Variants in MRE11 observed in about 807,000 individuals in gnomAD.
MRE11 encodes double-strand break repair protein MRE11.
A neutral mutation model predicts 91.7 loss-of-function variants in MRE11; 62 were observed. The ratio of observed to expected loss-of-function variants is 0.68; its 90% confidence interval spans 0.55 to 0.84. The LOEUF (loss-of-function observed/expected upper bound fraction) is 0.84, where lower values mean the gene tolerates loss of function less well. MRE11 is among the 40% of genes least tolerant of loss of function. The probability of loss-of-function intolerance (pLI) is 0.00; values close to 1 mark genes in which losing one functional copy is unlikely to be tolerated. For synonymous variants in MRE11, 273 were observed against 271.4 expected (o/e 1.01, Z -0.06); for missense variants, 796 against 852.9 (o/e 0.93, Z 0.83).
intron 18 of MRE11, 102 bp downstream of exon 18, chr11:94,435,730 T>C (rs1268046193): frequency 1.1e-6 from 1 of 950,286 alleles, no homozygotes; most frequent in African/African-American, 1.6e-5. Context: ...TGAAAATAAG[T>C]CTGTTAAACT....
At chr11:94,471,366 C>A (rs1241147033) in intron 8 of MRE11, among the ~76,000 whole-genome samples, 1 of 151,802 alleles carries the variant, frequency 6.6e-6, no homozygotes, top group African/African-American at 2.4e-5. Flanking sequence ...AAAATAACAC[C>A]AATTGGATGC....
At chr11:94,457,258 C>T (rs1946277016) in intron 13 of MRE11, among the ~76,000 whole-genome samples, 1 of 152,174 alleles carries the variant, frequency 6.6e-6, no homozygotes, top group South Asian at 2.1e-4. Flanking sequence ...TTAGCAATGG[C>T]AGTCACTGGT....
chr11:94,427,304 T>C (rs752392494), intron 19 of MRE11, among the ~76,000 whole-genome samples: 6 of 152,018 alleles, frequency 3.9e-5, no homozygotes, highest in Non-Finnish European at 7.4e-5. Flanking sequence ...ATATGATCAC[T>C]TCAACAGACA....
rs1240937125 is a variant in MRE11, at chr11:94,416,468, A to G, written c.*3657T>C. 3.3e-5 allele frequency: 5 copies of G among 152,274 alleles called. No individual in the cohort carries two copies. The highest frequency in any genetic ancestry group is 3.3e-4 in the Admixed American group (5 of 15,280). 9.4% of individuals were successfully genotyped at this position (152,274 alleles called of 1,614,324 possible). A position where few individuals can be genotyped will look rare whatever the true frequency, so the allele number is the denominator to read the frequency against. On this transcript the variant is annotated 3_prime_UTR_variant, in exon 20 of 20. Transcript: ENST00000323929. ...AAATGTGGATCTTTTTCATTCAAGA[A>G]TATGGAAACTCATTGGACTGAAAAA...
the MRE11 span, among the ~76,000 whole-genome samples, chr11:94,503,691 G>A: frequency 6.8e-5 from 10 of 146,048 alleles, no homozygotes; most frequent in African/African-American, 2.1e-4. Flanking sequence ...GTGAGACTCC[G>A]TGTCAAAAAA....
chr11:94,474,859 T>C (rs1266144050), intron 7 of MRE11, among the ~76,000 whole-genome samples: 1 of 152,144 alleles, frequency 6.6e-6, no homozygotes, highest in African/African-American at 2.4e-5. Context: ...TTTCAACTCA[T>C]CATCCCTACT....
chr11:94,441,621 A>G (rs1369107993), intron 16 of MRE11, among the ~76,000 whole-genome samples: 1 of 152,230 alleles, frequency 6.6e-6, no homozygotes, highest in Non-Finnish European at 1.5e-5. Context: ...AAATTAAAAC[A>G]GGCCTAAAAA....
chr11:94,498,053 T>C (rs766198771), upstream of MRE11: 3 of 1,536,966 alleles, frequency 2.0e-6, no homozygotes, highest in Non-Finnish European at 2.6e-6. Flanking sequence ...TTGAAAGATT[T>C]CTTTTTTTTC....
intron 16 of MRE11, among the ~76,000 whole-genome samples, chr11:94,444,395 GTTTTCGTTCTGTTTTC>G (rs1945870504): frequency 2.4e-5 from 1 of 41,698 alleles, no homozygotes. Context: ...TTTTTGTTCT[GTTTTCGTTCTGTTTTC>G]TTTTGTTTTA....
In MRE11 at chr11:94,467,803, T is replaced by C. The variant is rs1946604458; in HGVS notation, c.1098+10A>G. ...ATTAATAATATTCAATCTATATAAATAGGACTTACTCGCAGTCGTACAAGA... is the reference window on the plus strand; with the variant it reads ...ATTAATAATATTCAATCTATATAAACAGGACTTACTCGCAGTCGTACAAGA... On this transcript the variant is annotated intron_variant, in intron 10 of 19. Transcript: ENST00000323929. 6.3e-7 allele frequency: 1 copy of C among 1,593,686 alleles called. No homozygotes were observed. Among genetic ancestry groups the C allele is most frequent in the Non-Finnish European group, 8.6e-7 (1 of 1,161,968 alleles).
At position 94,479,674 on chromosome 11, in the gene MRE11, C is replaced by A. The variant is rs587782669; in HGVS notation, c.402G>T (p.Gly134=). The A allele has an allele frequency of 1.2e-6, 2 of 1,610,436 alleles. No homozygotes were observed. The highest frequency in any genetic ancestry group is 1.7e-5 in the Admixed American group (1 of 59,972). ...CAAACTCTAAGAAAACAATAATTAC[C>A]CCTGTGGGATCGTCATGATTGCCAT... ...SIHGNHDDPT[G]ADALCALDIL... The change falls in exon 5 of 20, where the codon GGG becomes GGT. Residue 134 remains glycine, a splice_region_variant and synonymous_variant. Coordinates refer to ENST00000323929, the MANE Select transcript of MRE11 (RefSeq NM_005591.4).
chr11:94,499,481 C>A, the MRE11 span: 2 of 151,614 alleles, frequency 1.3e-5, no homozygotes, highest in African/African-American at 4.8e-5. Context: ...GCTAAAACCA[C>A]AAAGTGGCTC....
At chr11:94,475,082 T>G (rs1394556303) in intron 7 of MRE11, 1 of 152,388 alleles carries the variant, frequency 6.6e-6, no homozygotes, top group Non-Finnish European at 1.5e-5. Flanking sequence ...AACCTAAGTC[T>G]GCATTCACTG....
At position 94,446,949 on chromosome 11, in the gene MRE11, G is replaced by C. The variant is rs12222920; in HGVS notation, c.1783+270C>G. On this transcript the variant is annotated intron_variant, in intron 15 of 19. Transcript: ENST00000323929. ...ATATGACATTAAATGTATCCAAAAG[G>C]TACTACGTGACAAACACAGTGAAGC... Among the ~76,000 whole-genome samples the C allele has an allele frequency of 0.12, 17,883 of 152,060 alleles. 1,157 individuals are homozygous for C. Among genetic ancestry groups the C allele is most frequent in the South Asian group, 0.18 (888 of 4,822 alleles).
chr11:94,464,382 GA>G lies in MRE11; in HGVS notation c.1099-144del. 2.7e-6 allele frequency: 3 copies of G among 1,125,176 alleles called. No homozygotes were observed. In the East Asian group the frequency reaches 7.5e-5, roughly 28 times the overall value. 69.7% of individuals were successfully genotyped at this position (1,125,176 alleles called of 1,614,324 possible). On this transcript the variant is annotated intron_variant, in intron 10 of 19. Coordinates refer to ENST00000323929, the MANE Select transcript of MRE11 (RefSeq NM_005591.4). ...TAATTTTCTACAGTAGATCATGATG[GA>G]GCTATATCATTTATCCTACTGAGAA... is the stretch of plus-strand genomic sequence containing the variant.
intron 3 of MRE11, among the ~76,000 whole-genome samples, chr11:94,489,531 T>C (rs974904172): frequency 2.6e-5 from 4 of 152,146 alleles, no homozygotes; most frequent in Non-Finnish European, 4.4e-5. Context: ...CAGAAAAGAA[T>C]AGAAGCAGAA....
chr11:94,454,318 C>T (rs1279136420), intron 14 of MRE11, among the ~76,000 whole-genome samples: 1 of 152,108 alleles, frequency 6.6e-6, no homozygotes, highest in Non-Finnish European at 1.5e-5. Flanking sequence ...AAGAGATCCA[C>T]CTGCCTCGGC....
chr11:94,476,438 T>C, intron 6 of MRE11, 35 bp from the exon 7 acceptor site: 1 of 1,408,202 alleles, frequency 7.1e-7, no homozygotes, highest in Non-Finnish European at 1.0e-6. Flanking sequence ...TAAATTGTTT[T>C]CTTACTTCGG....
rs2135122903 is a variant in MRE11 at position 94,486,039 on chromosome 11, G to A, written c.199C>T (p.Pro67Ser). 1 of 1,613,580 alleles carries A rather than the reference G, an allele frequency of 6.2e-7. No individual in the cohort carries two copies. The highest frequency in any genetic ancestry group is 8.5e-7 in the Non-Finnish European group (1 of 1,179,840). Residue 67 changes from proline (P) to serine (S), a missense_variant, in exon 4 of 20, where the codon CCC (proline) becomes TCC (serine). Transcript: ENST00000323929. Reference sequence around the variant, plus strand: ...CAGGTATGTAATGTTTTCCTTGAGGGCTTATTTTCATGAAAAAGATCACCA... The same window carrying A: ...CAGGTATGTAATGTTTTCCTTGAGGACTTATTTTCATGAAAAAGATCACCA... ...LGGDLFHENK[P>S]SRKTLHTCLE...
Sources: gnomAD v4.1 joint callset for allele counts (sites outside exome capture counted in the v4.1 genomes callset) on GRCh38, gnomAD v4.1.1 for gene constraint, MANE v1.5 for transcripts, NCBI Gene and HGNC (gene_info 2026-07-23, HGNC 2026-07-21) for gene names.